The following WFS1 variants were observed in gnomAD, a reference collection of about 807,000 sequenced individuals.
The protein encoded by WFS1 is wolframin.
In WFS1, 90 loss-of-function variants were observed where a neutral mutation model predicts 68.5. The observed-to-expected ratio is 1.31, with a 90% confidence interval of 1.11 to 1.56. The LOEUF (loss-of-function observed/expected upper bound fraction) is 1.56. Among genes scored for constraint, WFS1 ranks in the 40% most tolerant of loss-of-function variants. WFS1 has a pLI of 0.00. For missense variants in WFS1, 1,767 were observed against 1,232.6 expected, an observed-to-expected ratio of 1.43 and a Z score of -6.49; for synonymous variants, 860 against 540.7, an observed-to-expected ratio of 1.59 and a Z score of -8.19.
At chr4:6,273,132 C>T (rs554673503) in intron 1 of WFS1, among the ~76,000 whole-genome samples, 2 of 152,200 alleles carry the variant, frequency 1.3e-5, no homozygotes, top group South Asian at 2.1e-4. Flanking sequence ...GTTGCCCCCC[C>T]AGAGAGAACA....
intron 6 of WFS1, among the ~76,000 whole-genome samples, chr4:6,294,239 G>A (rs79270059): frequency 1.1e-3 from 170 of 152,218 alleles, no homozygotes; most frequent in African/African-American, 3.8e-3. Flanking sequence ...ATCTCACCAC[G>A]GCAACTGGGG....
chr4:6,290,382 C>T (rs1160078081), intron 4 of WFS1, among the ~76,000 whole-genome samples: 2 of 152,244 alleles, frequency 1.3e-5, no homozygotes, highest in East Asian at 1.9e-4. Context: ...GTTGGAATGA[C>T]CTGGAGGGGG....
chr4:6,302,492 C>G lies in WFS1; in HGVS notation c.*24C>G. On this transcript the variant is annotated 3_prime_UTR_variant, in exon 8 of 8. Transcript: ENST00000226760. Reference sequence around the variant, plus strand: ...GAGGATGGTCCGCCACGAGGAGCTTCCAGTGCATGTTGCCATGAGGCCTTT... The same window carrying G: ...GAGGATGGTCCGCCACGAGGAGCTTGCAGTGCATGTTGCCATGAGGCCTTT... 6.2e-7 allele frequency: 1 copy of G among 1,611,610 alleles called. No homozygotes were observed. The highest frequency in any genetic ancestry group is 8.5e-7 in the Non-Finnish European group (1 of 1,179,968).
chr4:6,300,508 G>A, intron 7 of WFS1, 149 bp from the exon 8 acceptor site: 2 of 1,226,810 alleles, frequency 1.6e-6, no homozygotes, highest in Non-Finnish European at 1.1e-6. Flanking sequence ...GAAGGGGGGA[G>A]GGAGGACCAC....
chr4:6,287,374 T>C lies in WFS1; in HGVS notation c.315+199T>C, dbSNP rs558603389. 1.6e-6 allele frequency: 1 copy of C among 620,098 alleles called. No homozygotes were observed. Among genetic ancestry groups the C allele is most frequent in the Non-Finnish European group, 2.9e-6 (1 of 340,536 alleles). The allele number at this position is 620,098 out of a possible 1,614,324, so 38.4% of individuals were successfully genotyped here. The stretch of plus-strand genomic sequence containing the variant: ...GTGCCAGTTTTCCTCCTGGCACTCC[T>C]CTGGGGAGCAGCGCTCATCCCCCTT... On this transcript the variant is annotated intron_variant, in intron 3 of 7. Transcript: ENST00000226760. This position sits in a 1 kb window ranked among gnomAD's most constrained non-coding sequence, Gnocchi z 6.4.
chr4:6,300,320 G>T (rs1373065566), intron 7 of WFS1, among the ~76,000 whole-genome samples: 1 of 152,194 alleles, frequency 6.6e-6, no homozygotes, highest in African/African-American at 2.4e-5. Flanking sequence ...ACCCTGAGGG[G>T]AGGGAAGTGG....
chr4:6,297,186 T>G (rs1422844067), intron 7 of WFS1, among the ~76,000 whole-genome samples: 6 of 152,166 alleles, frequency 3.9e-5, no homozygotes, highest in Non-Finnish European at 8.8e-5. Context: ...TAAACAAGAC[T>G]CTGTTTCCCT....
At chr4:6,300,073 T>G (rs1314826156) in intron 7 of WFS1, among the ~76,000 whole-genome samples, 2 of 151,992 alleles carry the variant, frequency 1.3e-5, no homozygotes, top group African/African-American at 2.4e-5. Context: ...CTGAACGGTA[T>G]TTTTGCTGGG....
At position 6,280,588 on chromosome 4, in the gene WFS1, G is replaced by C. The variant is rs534421471; in HGVS notation, c.232+2901G>C. On this transcript the variant is annotated intron_variant, in intron 2 of 7. Transcript: ENST00000226760. ...GCCCTGGGGCTAAAGGGCGGGCTCA[G>C]ATGCACAGAGGGACAGGCCTGGTGC... Among the ~76,000 whole-genome samples the C allele has an allele frequency of 9.2e-5, 14 of 152,326 alleles. 1 individual carries two copies. The highest frequency in any genetic ancestry group is 3.1e-4 in the African/African-American group (13 of 41,572).
At position 6,283,293 on chromosome 4, in the gene WFS1, C is replaced by A. The variant is rs1283921855; in HGVS notation, c.233-3800C>A. ...ATGGTATCCAGCTCTGATCACACTG[C>A]TATTTTGTGATTGATAGGCAGACTT... On this transcript the variant is annotated intron_variant, in intron 2 of 7. Coordinates refer to ENST00000226760, the MANE Select transcript of WFS1 (RefSeq NM_006005.3). The surrounding 1 kb of genome is among the most constrained non-coding windows in gnomAD (Gnocchi z 5.0). 2.0e-5 allele frequency among the ~76,000 whole-genome samples: 3 copies of A among 152,198 alleles called. No individual in the cohort carries two copies. The highest frequency in any genetic ancestry group is 4.4e-5 in the Non-Finnish European group (3 of 68,028).
At chr4:6,275,951 C>T (rs1436993202) in intron 1 of WFS1, among the ~76,000 whole-genome samples, 5 of 152,166 alleles carry the variant, frequency 3.3e-5, no homozygotes, top group Admixed American at 3.3e-4. Flanking sequence ...GTTGCCCCGT[C>T]CCCATTTTCA....
chr4:6,271,051 C>T (rs1370325050), intron 1 of WFS1, among the ~76,000 whole-genome samples: 1 of 152,230 alleles, frequency 6.6e-6, no homozygotes, highest in African/African-American at 2.4e-5. Flanking sequence ...CTTATGCCAG[C>T]ATCCATCACT....
chr4:6,290,983 C>G (rs1730444252), intron 4 of WFS1, among the ~76,000 whole-genome samples: 1 of 152,210 alleles, frequency 6.6e-6, no homozygotes, highest in African/African-American at 2.4e-5. Flanking sequence ...TTGGGGGCGT[C>G]TGGTGGGAGA....
At position 6,287,245 on chromosome 4, in the gene WFS1, C is replaced by A; in HGVS notation, c.315+70C>A. 7.4e-7 allele frequency: 1 copy of A among 1,352,480 alleles called. No individual in the cohort carries two copies. The highest frequency in any genetic ancestry group is 1.0e-6 in the Non-Finnish European group (1 of 968,650). 83.8% of individuals were successfully genotyped at this position (1,352,480 alleles called of 1,614,324 possible). On this transcript the variant is annotated intron_variant, in intron 3 of 7. Coordinates refer to ENST00000226760, the MANE Select transcript of WFS1 (RefSeq NM_006005.3). The surrounding 1 kb of genome is among the most constrained non-coding windows in gnomAD (Gnocchi z 6.4). The stretch of plus-strand genomic sequence containing the variant: ...GCACAACAGGCCTGGCCACGAGCTC[C>A]ACAGCCCACAGAGAAGTGTCGGTGC...
rs893612512 is a variant in WFS1 at position 6,302,312 on chromosome 4, C to G, written c.2517C>G (p.Val839=). ...LEGRLGSKWP[V]FELKAISCLN... ...GCCGCCTGGGCAGCAAGTGGCCTGT[C>G]TTCGAGCTCAAGGCCATCAGCTGCC... Residue 839 remains valine, a synonymous_variant, in exon 8 of 8, where the codon GTC becomes GTG. Coordinates refer to ENST00000226760, the MANE Select transcript of WFS1 (RefSeq NM_006005.3). 6.2e-7 allele frequency: 1 copy of G among 1,611,200 alleles called. No individual in the cohort carries two copies. The highest frequency in any genetic ancestry group is 8.5e-7 in the Non-Finnish European group (1 of 1,179,096).
In WFS1 at chr4:6,302,433, G is replaced by T. The variant is rs776324301; in HGVS notation, c.2638G>T (p.Asp880Tyr). Residue 880 changes from aspartate to tyrosine, a missense_variant, in exon 8 of 8, where the codon GAC becomes TAC. Coordinates refer to ENST00000226760, the MANE Select transcript of WFS1 (RefSeq NM_006005.3). Reference sequence around the variant, plus strand: ...GCATGGCGCCGTGAAGTTCGCCTTCGACTTCTTTTTCTTCCCATTCCTGTC... The same window carrying T: ...GCATGGCGCCGTGAAGTTCGCCTTCTACTTCTTTTTCTTCCCATTCCTGTC... ...TVHGAVKFAF[D>Y]FFFFPFLSAA is the part of the protein sequence containing the mutation. The T allele has an allele frequency of 6.2e-7, 1 of 1,613,174 alleles. No individual in the cohort carries two copies. The highest frequency in any genetic ancestry group is 1.1e-5 in the South Asian group (1 of 91,080).
At chr4:6,298,045 G>GCA (rs1730684522) in intron 7 of WFS1, among the ~76,000 whole-genome samples, 1 of 152,254 alleles carries the variant, frequency 6.6e-6, no homozygotes, top group Non-Finnish European at 1.5e-5. Flanking sequence ...AAAAGAATGT[G>GCA]CATGGCTTTG....
chr4:6,285,848 C>G (rs1039341894), intron 2 of WFS1, among the ~76,000 whole-genome samples: 3 of 152,206 alleles, frequency 2.0e-5, no homozygotes, highest in African/African-American at 7.2e-5. Flanking sequence ...GCAGCCTGTC[C>G]CGTTGTCAGC....
In WFS1 at chr4:6,302,407, T is replaced by G. The variant is rs764211494; in HGVS notation, c.2612T>G (p.Val871Gly). The change falls in exon 8 of 8, where the codon GTG becomes GGG. Residue 871 changes from valine to glycine, a missense_variant. Transcript: ENST00000226760. ...ATCGAGCACGACTGGCGCAGCACCG[T>G]GCATGGCGCCGTGAAGTTCGCCTTC... is the stretch of plus-strand genomic sequence containing the variant. ...VKIEHDWRST[V>G]HGAVKFAFDF... 1.0e-4 allele frequency: 164 copies of G among 1,613,144 alleles called. 1 individual carries two copies. Among genetic ancestry groups the G allele is most frequent in the South Asian group, 7.0e-4 (64 of 91,090 alleles).
Sources: allele counts gnomAD v4.1 joint callset (sites outside exome capture counted in the v4.1 genomes callset), GRCh38; gene constraint gnomAD v4.1.1; non-coding constraint Gnocchi (gnomAD v3.1); transcripts MANE v1.5; gene names NCBI Gene and HGNC (gene_info 2026-07-23, HGNC 2026-07-21).